The following COL28A1 variants were observed in gnomAD, a reference collection of about 807,000 sequenced individuals.
COL28A1 encodes the protein collagen type XXVIII alpha 1 chain.
COL28A1 carries 161 observed loss-of-function variants against 150.2 expected under a neutral mutation model. The observed-to-expected ratio is 1.07, with a 90% CI of 0.94 to 1.22. COL28A1 has a LOEUF of 1.22. Among genes scored for constraint, COL28A1 ranks in the 50% most tolerant of loss-of-function variants. The probability of loss-of-function intolerance (pLI) is 0.00; values close to 1 mark genes in which losing one functional copy is unlikely to be tolerated. For missense variants in COL28A1, 1,617 were observed against 1,388.3 expected (o/e 1.16, Z -2.62); for synonymous variants, 552 against 469.7 (o/e 1.18, Z -2.26).
chr7:7,539,279 C>T (rs757673546), upstream of COL28A1, among the ~76,000 whole-genome samples: 9 of 152,166 alleles, frequency 5.9e-5, no homozygotes, highest in Middle Eastern at 3.2e-3. Flanking sequence ...TTGACTGCTT[C>T]TACTCATGGC....
intron 33 of COL28A1, among the ~76,000 whole-genome samples, chr7:7,361,859 C>A (rs4035100): frequency 0.78 from 118,085 of 151,406 alleles, 46,225 homozygotes; most frequent in East Asian, 0.87. Context: ...GCCATAAAAA[C>A]ATGAGTTCAT....
chr7:7,369,898 A>T (rs61611535), intron 33 of COL28A1, among the ~76,000 whole-genome samples: 9,658 of 152,196 alleles, frequency 0.063, 1,052 homozygotes, highest in African/African-American at 0.22. Flanking sequence ...GAACAGGGGC[A>T]TGACTGTTAT....
intron 3 of COL28A1, among the ~76,000 whole-genome samples, chr7:7,528,194 AC>A (rs1782137735): frequency 6.6e-6 from 1 of 152,208 alleles, no homozygotes; most frequent in African/African-American, 2.4e-5. Context: ...CTTTTTAAAT[AC>A]TTAACATCAA....
chr7:7,500,113 T>C (rs1483613307), intron 11 of COL28A1, among the ~76,000 whole-genome samples: 1 of 152,212 alleles, frequency 6.6e-6, no homozygotes, highest in Non-Finnish European at 1.5e-5. Context: ...GAATGGTCAA[T>C]GTTCCCGACT....
intron 21 of COL28A1, 54 bp from the exon 22 acceptor site, chr7:7,437,516 G>T: frequency 6.3e-7 from 1 of 1,575,200 alleles, no homozygotes; most frequent in Non-Finnish European, 8.6e-7. Context: ...CACATATAGA[G>T]ACAATATTAA....
intron 20 of COL28A1, among the ~76,000 whole-genome samples, chr7:7,442,350 G>C (rs1425547842): frequency 6.6e-6 from 1 of 152,246 alleles, no homozygotes; most frequent in East Asian, 1.9e-4. Context: ...CTTCCTTAGA[G>C]ACATTGTTCA....
chr7:7,457,487 G>C lies in COL28A1; in HGVS notation c.1303-1375C>G, dbSNP rs558130376. Among the ~76,000 whole-genome samples, 3 of 152,248 alleles carry C rather than the reference G, an allele frequency of 2.0e-5. No homozygotes were observed. In the East Asian group the frequency reaches 5.8e-4, roughly 29 times the overall value. ...GGGTGATATCAGGAGTTCAGTTTTG[G>C]ACATGTTTAGTTTGAGATCCCTAAA... is the stretch of plus-strand genomic sequence containing the variant. On this transcript the variant is annotated intron_variant, in intron 15 of 34. Coordinates refer to ENST00000399429, the MANE Select transcript of COL28A1 (RefSeq NM_001037763.3).
intron 31 of COL28A1, among the ~76,000 whole-genome samples, chr7:7,374,054 T>TATATAAA (rs1554260711): frequency 7.0e-6 from 1 of 142,556 alleles, no homozygotes; most frequent in African/African-American, 2.7e-5. Context: ...TATATATATA[T>TATATAAA]ATATATACTT....
intron 7 of COL28A1, among the ~76,000 whole-genome samples, chr7:7,517,113 T>C (rs992822165): frequency 6.6e-5 from 10 of 152,326 alleles, no homozygotes; most frequent in African/African-American, 2.2e-4. Context: ...GATTTTTTGT[T>C]GACATTACTA....
chr7:7,368,374 C>A (rs1781045040), intron 33 of COL28A1, among the ~76,000 whole-genome samples: 1 of 111,530 alleles, frequency 9.0e-6, no homozygotes, highest in Admixed American at 1.0e-4. Flanking sequence ...ACTTTAAAGA[C>A]TCCCTTTGCC....
In COL28A1 at chr7:7,527,296, G is replaced by C. The variant is rs1245141126; in HGVS notation, c.682-3047C>G. ...CACACAGCAACCCGAGTAGGAAGGAGGTCCTAGGCCAGGGGCGGGGGAGCC... is the reference window on the plus strand; with the variant it reads ...CACACAGCAACCCGAGTAGGAAGGACGTCCTAGGCCAGGGGCGGGGGAGCC... On this transcript the variant is annotated intron_variant, in intron 3 of 34. Transcript: ENST00000399429. Among the ~76,000 whole-genome samples, 5 of 152,214 alleles carry C rather than the reference G, an allele frequency of 3.3e-5. No individual in the cohort carries two copies. The East Asian group carries it at 9.6e-4, about 29-fold the overall frequency.
upstream of COL28A1, among the ~76,000 whole-genome samples, chr7:7,539,809 C>T (rs956656815): frequency 1.3e-5 from 2 of 152,032 alleles, no homozygotes; most frequent in African/African-American, 4.8e-5. Flanking sequence ...TTTCGGGGTA[C>T]AGCAACACGG....
At chr7:7,431,571 C>T (rs1248760751) in intron 25 of COL28A1, 9 of 470,958 alleles carry the variant, frequency 1.9e-5, no homozygotes, top group Non-Finnish European at 4.0e-5. Flanking sequence ...GGCTGAATGT[C>T]GGCAGCCAGG....
intron 22 of COL28A1, among the ~76,000 whole-genome samples, chr7:7,436,725 G>C (rs1239996655): frequency 2.6e-5 from 4 of 152,200 alleles, no homozygotes; most frequent in Non-Finnish European, 4.4e-5. Context: ...TCGACTTTAA[G>C]AATGGCTGAG....
At chr7:7,424,581 C>G (rs577890553) in intron 25 of COL28A1, among the ~76,000 whole-genome samples, 1 of 152,234 alleles carries the variant, frequency 6.6e-6, no homozygotes, top group African/African-American at 2.4e-5. Context: ...GTTGTTGGAG[C>G]CTGCAGAGGG....
At chr7:7,380,527 G>A (rs192760109) in intron 30 of COL28A1, 133 bp downstream of exon 30, 13 of 728,728 alleles carry the variant, frequency 1.8e-5, no homozygotes, top group Admixed American at 2.4e-5. Flanking sequence ...ACACTGGGCT[G>A]GTAGTAGTTG....
rs1437406913 is a variant in COL28A1, at chr7:7,433,259, T to C, written c.1861-559A>G. 3.9e-5 allele frequency among the ~76,000 whole-genome samples: 6 copies of C among 152,134 alleles called. No individual in the cohort carries two copies. In the East Asian group the frequency reaches 1.2e-3, roughly 29 times the overall value. On this transcript the variant is annotated intron_variant, in intron 23 of 34. Coordinates refer to ENST00000399429, the MANE Select transcript of COL28A1 (RefSeq NM_001037763.3). Reference sequence around the variant, plus strand: ...AACAGAGTTTTCTAAGACTTGTAACTGTCTCACAAACAGCAATCAGAAAAT... The same window carrying C: ...AACAGAGTTTTCTAAGACTTGTAACCGTCTCACAAACAGCAATCAGAAAAT...
intron 25 of COL28A1, among the ~76,000 whole-genome samples, chr7:7,422,407 G>T (rs1264065295): frequency 6.6e-6 from 1 of 152,028 alleles, no homozygotes; most frequent in Non-Finnish European, 1.5e-5. Flanking sequence ...GAGGTGGGTG[G>T]ATCACATGGT....
rs531746296 is a variant in COL28A1 at position 7,458,338 on chromosome 7, C to CCGGG, written c.1303-2230_1303-2227dup. Among the ~76,000 whole-genome samples, 704 of 152,160 alleles carry CCGGG rather than the reference C, an allele frequency of 4.6e-3. 5 individuals carry two copies. Among genetic ancestry groups the CCGGG allele is most frequent in the East Asian group, 0.022 (114 of 5,170 alleles). On this transcript the variant is annotated intron_variant, in intron 15 of 34. Coordinates refer to ENST00000399429, the MANE Select transcript of COL28A1 (RefSeq NM_001037763.3). ...GGCTAAGGCAGGAGAATCATTTGAACCGGGGAGGTGAATGGTGCAGTGAGC... is the reference window on the plus strand; with the variant it reads ...GGCTAAGGCAGGAGAATCATTTGAACCGGGCGGGGAGGTGAATGGTGCAGTGAGC...
Sources: gnomAD v4.1 joint callset for allele counts (sites outside exome capture counted in the v4.1 genomes callset) on GRCh38, gnomAD v4.1.1 for gene constraint, MANE v1.5 for transcripts, NCBI Gene and HGNC (gene_info 2026-07-23, HGNC 2026-07-21) for gene names.